Variants in DNAJC1 observed in about 807,000 individuals in gnomAD.
DNAJC1 encodes dnaJ homolog subfamily C member 1.
DNAJC1 carries 58 observed loss-of-function variants against 76.6 expected under a neutral mutation model. The observed-to-expected ratio is 0.76, with a 90% CI of 0.61 to 0.94. The LOEUF (loss-of-function observed/expected upper bound fraction) is 0.94, where lower values mean the gene tolerates loss of function less well. Ranked by LOEUF, DNAJC1 falls within the 40% of genes least tolerant of loss-of-function variation. The pLI, the probability that DNAJC1 is intolerant of heterozygous loss-of-function variation, is 0.00. For synonymous variants in DNAJC1, 258 were observed against 267.9 expected, an observed-to-expected ratio of 0.96 and a Z score of 0.36; for missense variants, 689 against 677.3, an observed-to-expected ratio of 1.02 and a Z score of -0.19.
chr10:21,951,912 A>T (rs1220871194), intron 1 of DNAJC1, among the ~76,000 whole-genome samples: 1 of 152,184 alleles, frequency 6.6e-6, no homozygotes, highest in Non-Finnish European at 1.5e-5. Context: ...TCCCTTTGTT[A>T]ATAAAGTCCC....
rs763159322 is a variant in DNAJC1, at chr10:21,882,242, A to G, written c.978+40T>C. The G allele has an allele frequency of 2.6e-6, 4 of 1,558,254 alleles. No homozygotes were observed. In the Admixed American group the frequency reaches 8.4e-5, roughly 33 times the overall value. Reference sequence around the variant, plus strand: ...CCCTGTATTTTATGTGCTTTTCTGTACATGTTTTACTCAAAACAAGTTTTA... The same window carrying G: ...CCCTGTATTTTATGTGCTTTTCTGTGCATGTTTTACTCAAAACAAGTTTTA... On this transcript the variant is annotated intron_variant, in intron 8 of 11. Transcript: ENST00000376980.
chr10:21,921,215 A>T (rs917884126), intron 3 of DNAJC1, among the ~76,000 whole-genome samples: 2 of 151,946 alleles, frequency 1.3e-5, no homozygotes, highest in Non-Finnish European at 2.9e-5. Context: ...GCACCCAAAG[A>T]TGTGACTCCT....
chr10:21,792,400 G>A (rs1188217095), intron 9 of DNAJC1, among the ~76,000 whole-genome samples: 4 of 152,118 alleles, frequency 2.6e-5, no homozygotes. Flanking sequence ...GCCAGACAAA[G>A]ACATCACAAG....
chr10:21,964,354 AC>A (rs1183885604), intron 1 of DNAJC1, among the ~76,000 whole-genome samples: 1 of 152,074 alleles, frequency 6.6e-6, no homozygotes, highest in Non-Finnish European at 1.5e-5. Context: ...AGCTGGGGCT[AC>A]AGGCACACGC....
In DNAJC1 at chr10:21,787,200, C is replaced by T. The variant is rs375028908; in HGVS notation, c.1098+18780G>A. On this transcript the variant is annotated intron_variant, in intron 9 of 11. Transcript: ENST00000376980. ...AAAATTAGCCGGGCATGGTGGCAGG[C>T]GCTTGTAGTCCCAGCTACTCAGGAA... Among the ~76,000 whole-genome samples, 15 of 151,966 alleles carry T rather than the reference C, an allele frequency of 9.9e-5. No homozygotes were observed. The East Asian group carries it at 1.6e-3, about 16-fold the overall frequency.
intron 8 of DNAJC1, among the ~76,000 whole-genome samples, chr10:21,806,362 G>C (rs1238956876): frequency 6.6e-6 from 1 of 152,016 alleles, no homozygotes; most frequent in Non-Finnish European, 1.5e-5. Flanking sequence ...TGCAAAACCA[G>C]GTTTTGCAGA....
chr10:21,902,113 T>C (rs964691945), intron 7 of DNAJC1, among the ~76,000 whole-genome samples: 3 of 152,190 alleles, frequency 2.0e-5, no homozygotes, highest in Non-Finnish European at 4.4e-5. Flanking sequence ...AAAAGAAGCA[T>C]GCAAGATAAC....
intron 8 of DNAJC1, among the ~76,000 whole-genome samples, chr10:21,818,350 C>A (rs1835106630): frequency 6.6e-6 from 1 of 152,188 alleles, no homozygotes; most frequent in Non-Finnish European, 1.5e-5. Flanking sequence ...TGTCTGCTCT[C>A]AAACCCTGTC....
At chr10:21,872,024 G>A (rs1293689259) in intron 8 of DNAJC1, among the ~76,000 whole-genome samples, 1 of 151,334 alleles carries the variant, frequency 6.6e-6, no homozygotes, top group Non-Finnish European at 1.5e-5. Context: ...TAGAAACTGT[G>A]CCTGAGGAAG....
chr10:21,801,838 G>A (rs1834818469), intron 9 of DNAJC1, among the ~76,000 whole-genome samples: 1 of 152,246 alleles, frequency 6.6e-6, no homozygotes, highest in South Asian at 2.1e-4. Context: ...TCTTTTGTGG[G>A]AACATAAATG....
At chr10:21,870,867 T>G (rs1034425308) in intron 8 of DNAJC1, among the ~76,000 whole-genome samples, 1 of 152,064 alleles carries the variant, frequency 6.6e-6, no homozygotes, top group Non-Finnish European at 1.5e-5. Flanking sequence ...ACAGTAACTT[T>G]ACGGCACATT....
chr10:21,907,859 T>G (rs1195765472), intron 6 of DNAJC1, among the ~76,000 whole-genome samples: 3 of 149,444 alleles, frequency 2.0e-5, no homozygotes, highest in Non-Finnish European at 4.4e-5. Flanking sequence ...GCACCTGTAA[T>G]CCCCGCTACT....
chr10:21,808,366 G>A (rs922672848), intron 8 of DNAJC1, among the ~76,000 whole-genome samples: 3 of 152,030 alleles, frequency 2.0e-5, no homozygotes, highest in Non-Finnish European at 4.4e-5. Context: ...GTGTGTAAAA[G>A]CATAGTAGTT....
intron 8 of DNAJC1, among the ~76,000 whole-genome samples, chr10:21,847,584 A>T (rs1312281251): frequency 1.3e-5 from 2 of 152,134 alleles, no homozygotes; most frequent in East Asian, 3.9e-4. Flanking sequence ...TCTCTTCATC[A>T]TCCCTCCCTC....
intron 6 of DNAJC1, among the ~76,000 whole-genome samples, chr10:21,918,250 CAA>C (rs1836985863): frequency 6.6e-6 from 1 of 151,494 alleles, no homozygotes; most frequent in African/African-American, 2.4e-5. Context: ...ATTATTTAAT[CAA>C]GACTAAATAG....
At chr10:21,879,643 A>T (rs1244828851) in intron 8 of DNAJC1, among the ~76,000 whole-genome samples, 6 of 152,152 alleles carry the variant, frequency 3.9e-5, no homozygotes, top group South Asian at 2.1e-4. Flanking sequence ...ATAATAATTT[A>T]AAAAAATGTT....
At chr10:21,916,405 C>T (rs939645580) in intron 6 of DNAJC1, among the ~76,000 whole-genome samples, 1 of 152,080 alleles carries the variant, frequency 6.6e-6, no homozygotes, top group Non-Finnish European at 1.5e-5. Flanking sequence ...AGGAGAATGG[C>T]GTGAACCCGG....
At chr10:21,772,234 C>A (rs567836249) in intron 9 of DNAJC1, among the ~76,000 whole-genome samples, 1 of 148,850 alleles carries the variant, frequency 6.7e-6, no homozygotes, top group South Asian at 2.1e-4. Context: ...GGTAATACTG[C>A]CATCATAAAA....
At position 21,941,484 on chromosome 10, in the gene DNAJC1, G is replaced by C. The variant is rs1168253885; in HGVS notation, c.223-12343C>G. ...GGTATTTAATATCTCTTTATCTAAAGAGATGCACAGTGAAGCACTCAGGAA... is the reference window on the plus strand; with the variant it reads ...GGTATTTAATATCTCTTTATCTAAACAGATGCACAGTGAAGCACTCAGGAA... On this transcript the variant is annotated intron_variant, in intron 1 of 11. Transcript: ENST00000376980. Among the ~76,000 whole-genome samples the C allele has an allele frequency of 2.0e-5, 3 of 152,080 alleles. No homozygotes were observed. The East Asian group carries it at 5.8e-4, about 29-fold the overall frequency.
Sources: allele counts gnomAD v4.1 joint callset (sites outside exome capture counted in the v4.1 genomes callset), GRCh38; gene constraint gnomAD v4.1.1; transcripts MANE v1.5; gene names NCBI Gene and HGNC (gene_info 2026-07-23, HGNC 2026-07-21).